PARD3B: variants seen among roughly 807,000 people sequenced by gnomAD.
The protein encoded by PARD3B is par-3 family cell polarity regulator beta.
In PARD3B, 103 loss-of-function variants were observed where a neutral mutation model predicts 130.2. The ratio of observed to expected loss-of-function variants is 0.79; its 90% confidence interval spans 0.67 to 0.93. The LOEUF (loss-of-function observed/expected upper bound fraction) is 0.93, where lower values mean the gene tolerates loss of function less well. Ranked by LOEUF, PARD3B falls within the 40% of genes least tolerant of loss-of-function variation. The pLI is 0.00. For missense variants in PARD3B, 1,609 were observed against 1,499.2 expected, an observed-to-expected ratio of 1.07 and a Z score of -1.21; for synonymous variants, 583 against 553.2, an observed-to-expected ratio of 1.05 and a Z score of -0.76.
chr2:204,991,775 G>A (rs1339504875), intron 3 of PARD3B, among the ~76,000 whole-genome samples: 1 of 151,852 alleles, frequency 6.6e-6, no homozygotes, highest in African/African-American at 2.4e-5. Context: ...CATTCTAACT[G>A]GTGTGAGATG....
intron 22 of PARD3B, among the ~76,000 whole-genome samples, chr2:205,611,116 G>A (rs1183930428): frequency 6.6e-6 from 1 of 152,224 alleles, no homozygotes; most frequent in Non-Finnish European, 1.5e-5. Context: ...GACAGATGAG[G>A]TGAGAATGAC....
chr2:204,614,569 G>C (rs1165550264), intron 1 of PARD3B, among the ~76,000 whole-genome samples: 1 of 152,178 alleles, frequency 6.6e-6, no homozygotes. Context: ...TTAACACAGT[G>C]ATATGGTCTA....
chr2:204,835,565 T>C (rs2043998631), intron 2 of PARD3B, among the ~76,000 whole-genome samples: 1 of 152,128 alleles, frequency 6.6e-6, no homozygotes, highest in South Asian at 2.1e-4. Context: ...GGAAAGCAGT[T>C]TGATGGTTGG....
At chr2:205,482,066 G>A (rs565728314) in intron 20 of PARD3B, among the ~76,000 whole-genome samples, 3 of 152,230 alleles carry the variant, frequency 2.0e-5, no homozygotes, top group Admixed American at 6.5e-5. Flanking sequence ...TGCCCCATGC[G>A]AGCCACTCCG....
intron 10 of PARD3B, among the ~76,000 whole-genome samples, chr2:205,147,010 C>A (rs1369050281): frequency 1.3e-5 from 2 of 152,126 alleles, no homozygotes; most frequent in African/African-American, 4.8e-5. Flanking sequence ...GCCACCGTGC[C>A]TGGCCACAGT....
intron 15 of PARD3B, among the ~76,000 whole-genome samples, chr2:205,217,707 C>G (rs555857486): frequency 6.7e-6 from 1 of 149,526 alleles, no homozygotes; most frequent in African/African-American, 2.5e-5. Flanking sequence ...TACACACATA[C>G]ATATATATAT....
In PARD3B at chr2:205,080,401, T is replaced by C. The variant is rs73057155; in HGVS notation, c.505-24025T>C. On this transcript the variant is annotated intron_variant, in intron 4 of 22. Coordinates refer to ENST00000406610, the MANE Select transcript of PARD3B (RefSeq NM_001302769.2). ...GTTGCCTTTATAGCTTTAAATAATA[T>C]ACTTAAACATCTATTTCTTGATTTA... 7.0e-3 allele frequency among the ~76,000 whole-genome samples: 1,067 copies of C among 152,238 alleles called. 17 individuals carry two copies. The highest frequency in any genetic ancestry group is 0.024 in the African/African-American group (1,013 of 41,542).
chr2:205,199,134 G>A (rs1327701146), intron 15 of PARD3B, among the ~76,000 whole-genome samples: 1 of 152,122 alleles, frequency 6.6e-6, no homozygotes, highest in East Asian at 1.9e-4. Context: ...CTTTCATTAA[G>A]TAAATGTTTA....
At chr2:205,096,023 A>T (rs1359033554) in intron 4 of PARD3B, among the ~76,000 whole-genome samples, 1 of 152,120 alleles carries the variant, frequency 6.6e-6, no homozygotes, top group Non-Finnish European at 1.5e-5. Flanking sequence ...TTTATTCCTC[A>T]AAAGTTGTAT....
chr2:205,196,684 C>T (rs1369028815), intron 15 of PARD3B, among the ~76,000 whole-genome samples: 1 of 152,096 alleles, frequency 6.6e-6, no homozygotes, highest in Non-Finnish European at 1.5e-5. Context: ...AATTTTCTCA[C>T]ATAAATAAGC....
intron 2 of PARD3B, among the ~76,000 whole-genome samples, chr2:204,772,924 C>T (rs2041450669): frequency 6.6e-6 from 1 of 151,920 alleles, no homozygotes; most frequent in Admixed American, 6.6e-5. Flanking sequence ...CTGTTCCAAG[C>T]CCCAGCTCCT....
chr2:204,698,163 G>C (rs984581947), intron 2 of PARD3B, among the ~76,000 whole-genome samples: 3 of 152,034 alleles, frequency 2.0e-5, no homozygotes, highest in Non-Finnish European at 4.4e-5. Context: ...TTTCCATTGC[G>C]TTTTTCTGTG....
chr2:204,866,205 A>G (rs1039414684), intron 2 of PARD3B, among the ~76,000 whole-genome samples: 1 of 152,200 alleles, frequency 6.6e-6, no homozygotes, highest in Non-Finnish European at 1.5e-5. Flanking sequence ...AAGATGTGGC[A>G]TGGTAGAATG....
intron 3 of PARD3B, among the ~76,000 whole-genome samples, chr2:205,046,487 T>G (rs538557958): frequency 2.8e-4 from 42 of 151,914 alleles, no homozygotes; most frequent in African/African-American, 5.1e-4. Context: ...GAAGTTTTTT[T>G]TTTTTTTTTT....
At chr2:205,161,665 C>T (rs1225684286) in intron 11 of PARD3B, among the ~76,000 whole-genome samples, 3 of 152,204 alleles carry the variant, frequency 2.0e-5, no homozygotes. Context: ...AGAGGATACA[C>T]ATGTAACAGA....
chr2:204,686,730 A>G (rs2037105485), intron 2 of PARD3B, among the ~76,000 whole-genome samples: 1 of 152,196 alleles, frequency 6.6e-6, no homozygotes, highest in Non-Finnish European at 1.5e-5. Flanking sequence ...GCAAACAACT[A>G]TCTTGAGTGA....
chr2:205,313,148 G>C lies in PARD3B; in HGVS notation c.2630+11447G>C, dbSNP rs193068388. On this transcript the variant is annotated intron_variant, in intron 18 of 22. Coordinates refer to ENST00000406610, the MANE Select transcript of PARD3B (RefSeq NM_001302769.2). ...TAGATGCAAGTATGATAACTAAAAA[G>C]TTAAGTATAGATTAAATTTAGATCA... is the stretch of plus-strand genomic sequence containing the variant. 6.8e-4 allele frequency among the ~76,000 whole-genome samples: 104 copies of C among 152,256 alleles called. 1 individual carries two copies. Among genetic ancestry groups the C allele is most frequent in the Admixed American group, 6.7e-3 (103 of 15,284 alleles).
rs1474405315 is a variant in PARD3B at position 205,499,887 on chromosome 2, A to G, written c.3045-9A>G. The G allele has an allele frequency of 6.8e-6, 11 of 1,612,992 alleles. No individual in the cohort carries two copies. The highest frequency in any genetic ancestry group is 3.3e-5 in the Admixed American group (2 of 59,990). The stretch of plus-strand genomic sequence containing the variant: ...TGTGTGAATCTGATTATTTGTCTAT[A>G]TCCTGTAGTGGCCGTCCTACGGGTG... On this transcript the variant is annotated splice_polypyrimidine_tract_variant and intron_variant, in intron 20 of 22. Coordinates refer to ENST00000406610, the MANE Select transcript of PARD3B (RefSeq NM_001302769.2).
Position 205,195,355 on chromosome 2 carries a change from T to G in PARD3B, c.2140+2035T>G, listed in dbSNP as rs375230234. Among the ~76,000 whole-genome samples, 4 of 152,218 alleles carry G rather than the reference T, an allele frequency of 2.6e-5. 1 individual carries two copies. Among genetic ancestry groups the G allele is most frequent in the Admixed American group, 1.3e-4 (2 of 15,284 alleles). ...CATGCAGTGGAAATACTCAACAGCA[T>G]GCTGTAAAAACAAGTTTAGAGTAAT... On this transcript the variant is annotated intron_variant, in intron 15 of 22. Coordinates refer to ENST00000406610, the MANE Select transcript of PARD3B (RefSeq NM_001302769.2).
Sources: allele counts gnomAD v4.1 joint callset (sites outside exome capture counted in the v4.1 genomes callset), GRCh38; gene constraint gnomAD v4.1.1; transcripts MANE v1.5; gene names NCBI Gene and HGNC (gene_info 2026-07-23, HGNC 2026-07-21).